Variants in SERPINA6 observed in about 807,000 individuals in gnomAD.
SERPINA6 encodes the protein serpin family A member 6, also known as corticosteroid-binding globulin.
A neutral mutation model predicts 26.4 loss-of-function variants in SERPINA6; 19 were observed. That is an observed-to-expected ratio of 0.72 (90% confidence interval 0.50 to 1.06). SERPINA6 has a LOEUF of 1.06. Among genes scored for constraint, SERPINA6 ranks in the 50% least tolerant of loss-of-function variants. The pLI, the probability that SERPINA6 is intolerant of heterozygous loss-of-function variation, is 0.00. For missense variants in SERPINA6, 473 were observed against 504.0 expected, an observed-to-expected ratio of 0.94 and a Z score of 0.59; for synonymous variants, 196 against 199.4, an observed-to-expected ratio of 0.98 and a Z score of 0.14.
At chr14:94,320,804 A>G (rs1162685471) in intron 1 of SERPINA6, among the ~76,000 whole-genome samples, 2 of 152,094 alleles carry the variant, frequency 1.3e-5, no homozygotes, top group Non-Finnish European at 2.9e-5. Context: ...ACCAGGGTGG[A>G]AAACAACCCC....
chr14:94,314,954 A>G (rs1895592625), intron 1 of SERPINA6: 1 of 471,874 alleles, frequency 2.1e-6, no homozygotes, highest in African/African-American at 1.9e-5. Context: ...TCCTAAAGCA[A>G]GTATTATTAA....
At chr14:94,304,804 C>T (rs1008297910) in intron 4 of SERPINA6, among the ~76,000 whole-genome samples, 2 of 152,142 alleles carry the variant, frequency 1.3e-5, no homozygotes, top group African/African-American at 4.8e-5. Flanking sequence ...CTGGGCCGCA[C>T]CTACACTTCC....
intron 3 of SERPINA6, among the ~76,000 whole-genome samples, chr14:94,307,842 A>G (rs1895464741): frequency 6.6e-6 from 1 of 152,234 alleles, no homozygotes; most frequent in African/African-American, 2.4e-5. Flanking sequence ...ATTCCCAGAC[A>G]CTTCCATGTG....
At position 94,306,090 on chromosome 14, in the gene SERPINA6, GCGT is replaced by G; in HGVS notation, c.1010_1012del (p.Asp337del). The G allele has an allele frequency of 1.2e-6, 2 of 1,614,194 alleles. No homozygotes were observed. Among genetic ancestry groups the G allele is most frequent in the African/African-American group, 2.7e-5 (2 of 75,040 alleles). On this transcript the variant is annotated inframe_deletion, in exon 4 of 5. Transcript: ENST00000341584. ...ATTTACCTTTGATGACTTCAGCTGGGCGTCCTGGGTGATGCGTGAGAAATTTGC... is the reference window on the plus strand; with the variant it reads ...ATTTACCTTTGATGACTTCAGCTGGGCCTGGGTGATGCGTGAGAAATTTGC...
At chr14:94,316,901 T>C (rs954873368) in intron 1 of SERPINA6, among the ~76,000 whole-genome samples, 2 of 152,228 alleles carry the variant, frequency 1.3e-5, no homozygotes, top group Non-Finnish European at 2.9e-5. Context: ...AGCAGCCTTA[T>C]TAGGCCCTTT....
chr14:94,304,692 T>A, intron 4 of SERPINA6, 89 bp from the exon 5 acceptor site: 1 of 1,159,696 alleles, frequency 8.6e-7, no homozygotes, highest in Non-Finnish European at 1.3e-6. Flanking sequence ...ACATCCTTGG[T>A]TTTAGGAAGG....
rs1393277177 is a variant in SERPINA6 at position 94,306,172 on chromosome 14, C to T, written c.931G>A (p.Asp311Asn). ...IPKVTISGVY[D>N]LGDVLEEMGI... ...ATTTCCTCCAGCACATCTCCGAGGTCATAGACTCCAGAGATGGTGACCTTT... is the reference window on the plus strand; with the variant it reads ...ATTTCCTCCAGCACATCTCCGAGGTTATAGACTCCAGAGATGGTGACCTTT... Residue 311 changes from aspartate to asparagine, a missense_variant, in exon 4 of 5, where the codon GAC becomes AAC. Asp to Asn is a conservative substitution (Grantham distance 23, BLOSUM62 1). Coordinates refer to ENST00000341584, the MANE Select transcript of SERPINA6 (RefSeq NM_001756.4). 2 of 1,614,206 alleles carry T rather than the reference C, an allele frequency of 1.2e-6. No individual in the cohort carries two copies. Among genetic ancestry groups the T allele is most frequent in the Non-Finnish European group, 1.7e-6 (2 of 1,180,032 alleles).
chr14:94,310,290 G>A (rs535000943), intron 2 of SERPINA6, among the ~76,000 whole-genome samples: 10 of 152,268 alleles, frequency 6.6e-5, no homozygotes, highest in African/African-American at 2.4e-4. Flanking sequence ...TGGATTTGGG[G>A]GTAGGTCAGA....
intron 1 of SERPINA6, among the ~76,000 whole-genome samples, chr14:94,317,595 A>T (rs964575309): frequency 6.6e-6 from 1 of 152,194 alleles, no homozygotes; most frequent in African/African-American, 2.4e-5. Flanking sequence ...CATTTTATTC[A>T]CACCTCAAAG....
rs772504845 is a variant in SERPINA6, at chr14:94,304,515, G to C, written c.1121C>G (p.Pro374Arg). ...TGVTLNLTSK[P>R]IILRFNQPFI... ...GGGCTGGTTGAAACGCAAGATGATA[G>C]GCTTGGACGTCAGGTTTAGGGTGAC... Residue 374 changes from proline (P) to arginine (R), a missense_variant, in exon 5 of 5, where the codon CCT (proline) becomes CGT (arginine). Coordinates refer to ENST00000341584, the MANE Select transcript of SERPINA6 (RefSeq NM_001756.4). 9.3e-6 allele frequency: 15 copies of C among 1,614,180 alleles called. No individual in the cohort carries two copies. The South Asian group carries it at 1.6e-4, about 18-fold the overall frequency.
At chr14:94,308,200 G>A (rs148576678) in intron 3 of SERPINA6, among the ~76,000 whole-genome samples, 135 of 152,310 alleles carry the variant, frequency 8.9e-4, no homozygotes, top group African/African-American at 3.1e-3. Flanking sequence ...CCCATTCCCG[G>A]GCAGAGTCAG....
chr14:94,310,164 A>G (rs771437512), intron 2 of SERPINA6, among the ~76,000 whole-genome samples, 158 bp from the exon 3 acceptor site: 6 of 152,212 alleles, frequency 3.9e-5, no homozygotes, highest in Non-Finnish European at 5.9e-5. Context: ...AAAAATTCCC[A>G]GAAATTTAAA....
intron 1 of SERPINA6, among the ~76,000 whole-genome samples, chr14:94,316,743 C>T (rs1280091945): frequency 6.6e-6 from 1 of 152,086 alleles, no homozygotes; most frequent in Non-Finnish European, 1.5e-5. Flanking sequence ...TATGGGTGGG[C>T]ATTTTTAATC....
At chr14:94,320,147 G>A (rs115958697) in intron 1 of SERPINA6, among the ~76,000 whole-genome samples, 1,683 of 152,254 alleles carry the variant, frequency 0.011, 34 homozygotes, top group African/African-American at 0.037. Flanking sequence ...TACAGGAGAA[G>A]CAGGTCTTAC....
chr14:94,317,089 A>C (rs1484836579), intron 1 of SERPINA6, among the ~76,000 whole-genome samples: 1 of 152,168 alleles, frequency 6.6e-6, no homozygotes, highest in Non-Finnish European at 1.5e-5. Flanking sequence ...ATATTTCTAT[A>C]TATCCTATAG....
chr14:94,304,451 G>A lies in SERPINA6; in HGVS notation c.1185C>T (p.Ser395=). 6.2e-7 allele frequency: 1 copy of A among 1,614,124 alleles called. No individual in the cohort carries two copies. The highest frequency in any genetic ancestry group is 8.5e-7 in the Non-Finnish European group (1 of 1,180,028). Residue 395 remains serine, a synonymous_variant, in exon 5 of 5, where the codon AGC becomes AGT. Transcript: ENST00000341584. ...IMIFDHFTWS[S]LFLARVMNPV ...GGTTCATAACCCTCGCCAGGAAAAG[G>A]CTGCTCCAGGTGAAGTGGTCGAAGA...
intron 3 of SERPINA6, 28 bp from the exon 4 acceptor site, chr14:94,306,246 A>G: frequency 6.2e-7 from 1 of 1,613,814 alleles, no homozygotes; most frequent in Non-Finnish European, 8.5e-7. Context: ...ACAGAGTTAG[A>G]CATTCCAGGG....
At chr14:94,315,295 C>T (rs1292638675) in intron 1 of SERPINA6, among the ~76,000 whole-genome samples, 1 of 126,598 alleles carries the variant, frequency 7.9e-6, no homozygotes, top group East Asian at 2.4e-4. Context: ...GAAACAGGAA[C>T]AGAGCTATAA....
In SERPINA6 at chr14:94,309,687, C is replaced by T. The variant is rs1325976347; in HGVS notation, c.884+49G>A. The stretch of plus-strand genomic sequence containing the variant: ...ACTCCCTTTCCACGTGCCCCACTTT[C>T]TGGGGACACGTGCATTGCAGAAATC... On this transcript the variant is annotated intron_variant, in intron 3 of 4. Coordinates refer to ENST00000341584, the MANE Select transcript of SERPINA6 (RefSeq NM_001756.4). 7.5e-6 allele frequency: 12 copies of T among 1,603,816 alleles called. No individual in the cohort carries two copies. The African/African-American group carries it at 1.5e-4, about 20-fold the overall frequency.
Sources: gnomAD v4.1 joint callset for allele counts (sites outside exome capture counted in the v4.1 genomes callset) on GRCh38, gnomAD v4.1.1 for gene constraint, MANE v1.5 for transcripts, NCBI Gene and HGNC (gene_info 2026-07-23, HGNC 2026-07-21) for gene names.